NAALADL2: variants seen among roughly 807,000 people sequenced by gnomAD.
NAALADL2 encodes inactive N-acetylated-alpha-linked acidic dipeptidase-like protein 2.
NAALADL2 carries 76 observed loss-of-function variants against 87.2 expected under a neutral mutation model. The observed-to-expected ratio is 0.87, with a 90% CI of 0.72 to 1.05. The LOEUF is 1.05. Among genes scored for constraint, NAALADL2 ranks in the 50% least tolerant of loss-of-function variants. The pLI is 0.00. For synonymous variants in NAALADL2, 354 were observed against 331.0 expected (o/e 1.07, Z -0.75); for missense variants, 1,089 against 945.8 (o/e 1.15, Z -1.99).
At chr3:175,559,285 AT>A (rs1043636550) in intron 9 of NAALADL2, among the ~76,000 whole-genome samples, 7 of 150,776 alleles carry the variant, frequency 4.6e-5, no homozygotes, top group East Asian at 1.9e-4. Flanking sequence ...TTATTGTGTA[AT>A]TTTTTTTGAA....
At chr3:175,776,511 T>G (rs539274189) in intron 13 of NAALADL2, among the ~76,000 whole-genome samples, 2 of 152,282 alleles carry the variant, frequency 1.3e-5, no homozygotes, top group African/African-American at 2.4e-5. Context: ...CCATTCTTAG[T>G]AAAGTGAATA....
intron 3 of NAALADL2, among the ~76,000 whole-genome samples, chr3:174,816,540 A>AAT (rs1720843455): frequency 1.4e-5 from 2 of 148,112 alleles, no homozygotes; most frequent in South Asian, 2.1e-4. Flanking sequence ...TATAATTTTT[A>AAT]ATATATATAA....
chr3:175,508,420 G>C lies in NAALADL2; in HGVS notation c.1653+36662G>C, dbSNP rs77408996. Reference sequence around the variant, plus strand: ...TCCTTAAATATTTCCAAACACCTCAGCTCCTCAGACTTCATGCTCCTCTTC... The same window carrying C: ...TCCTTAAATATTTCCAAACACCTCACCTCCTCAGACTTCATGCTCCTCTTC... On this transcript the variant is annotated intron_variant, in intron 9 of 13. Transcript: ENST00000454872. Among the ~76,000 whole-genome samples, 991 of 152,134 alleles carry C rather than the reference G, an allele frequency of 6.5e-3. 11 individuals are homozygous for C. Among genetic ancestry groups the C allele is most frequent in the African/African-American group, 0.023 (949 of 41,476 alleles).
At chr3:175,364,155 C>T (rs1765313339) in intron 5 of NAALADL2, among the ~76,000 whole-genome samples, 1 of 147,950 alleles carries the variant, frequency 6.8e-6, no homozygotes, top group Non-Finnish European at 1.5e-5. Context: ...TGTGTGTGCA[C>T]ACTCACAAAC....
intron 2 of NAALADL2, among the ~76,000 whole-genome samples, chr3:174,553,725 A>G (rs1370484194): frequency 1.3e-5 from 2 of 152,142 alleles, no homozygotes; most frequent in African/African-American, 4.8e-5. Flanking sequence ...TCTTCCCTTG[A>G]TTTCATCTGG....
chr3:175,074,423 T>C (rs1473509659), intron 1 of NAALADL2, among the ~76,000 whole-genome samples: 1 of 152,104 alleles, frequency 6.6e-6, no homozygotes, highest in Admixed American at 6.6e-5. Context: ...GTTAAGATAA[T>C]CTAGCATCCT....
At chr3:175,589,117 CAGT>C (rs1331321168) in intron 10 of NAALADL2, among the ~76,000 whole-genome samples, 5 of 152,088 alleles carry the variant, frequency 3.3e-5, no homozygotes, top group Non-Finnish European at 7.4e-5. Context: ...TAAATTAAAA[CAGT>C]AGAAAGAAAG....
intron 1 of NAALADL2, among the ~76,000 whole-genome samples, chr3:174,974,201 C>T (rs1044132357): frequency 6.6e-6 from 1 of 152,140 alleles, no homozygotes; most frequent in African/African-American, 2.4e-5. Flanking sequence ...AAATAACTTT[C>T]CCACAGCTGA....
At chr3:175,740,720 A>T (rs1745115299) in intron 12 of NAALADL2, among the ~76,000 whole-genome samples, 1 of 152,214 alleles carries the variant, frequency 6.6e-6, no homozygotes, top group African/African-American at 2.4e-5. Flanking sequence ...GAATATAAAC[A>T]AGCATTGTAC....
At chr3:175,263,700 AC>A in intron 4 of NAALADL2, among the ~76,000 whole-genome samples, 1 of 151,900 alleles carries the variant, frequency 6.6e-6, no homozygotes, top group African/African-American at 2.4e-5. Flanking sequence ...TATAAATTAA[AC>A]AAAGTAAAAT....
At chr3:175,144,515 T>G (rs1337290637) in intron 2 of NAALADL2, among the ~76,000 whole-genome samples, 1 of 151,912 alleles carries the variant, frequency 6.6e-6, no homozygotes, top group Non-Finnish European at 1.5e-5. Flanking sequence ...ATTGAGAAAA[T>G]ATACAGAAAG....
At chr3:175,563,495 G>A (rs1235278224) in intron 9 of NAALADL2, among the ~76,000 whole-genome samples, 1 of 152,096 alleles carries the variant, frequency 6.6e-6, no homozygotes, top group South Asian at 2.1e-4. Context: ...ATTATTTTCA[G>A]GTCTAAGCCT....
intron 2 of NAALADL2, among the ~76,000 whole-genome samples, chr3:174,634,128 G>A (rs1722407485): frequency 6.6e-6 from 1 of 152,142 alleles, no homozygotes; most frequent in African/African-American, 2.4e-5. Flanking sequence ...AAGCAAATAT[G>A]TAAGTTTAGC....
At chr3:175,774,439 C>G (rs1444225949) in intron 13 of NAALADL2, among the ~76,000 whole-genome samples, 1 of 151,850 alleles carries the variant, frequency 6.6e-6, no homozygotes, top group Non-Finnish European at 1.5e-5. Flanking sequence ...TTTTTTAAAT[C>G]CTTATTTTTT....
intron 1 of NAALADL2, among the ~76,000 whole-genome samples, chr3:174,880,965 A>C (rs985173507): frequency 1.3e-5 from 2 of 152,108 alleles, no homozygotes; most frequent in African/African-American, 2.4e-5. Flanking sequence ...GAACTCTAAT[A>C]TCTGCCACTG....
At chr3:175,562,424 C>T (rs1716416687) in intron 9 of NAALADL2, among the ~76,000 whole-genome samples, 1 of 151,776 alleles carries the variant, frequency 6.6e-6, no homozygotes, top group Non-Finnish European at 1.5e-5. Context: ...TATTATATGA[C>T]ATATTTTTAA....
Position 175,799,038 on chromosome 3 carries a change from T to C in NAALADL2, c.2190-3967T>C, listed in dbSNP as rs142614458. Reference sequence around the variant, plus strand: ...GCAATGTTACAACTCATTTAAGGAATAGTTTTTGATAATAATGGATTATAA... The same window carrying C: ...GCAATGTTACAACTCATTTAAGGAACAGTTTTTGATAATAATGGATTATAA... On this transcript the variant is annotated intron_variant, in intron 13 of 13. Transcript: ENST00000454872. 6.0e-3 allele frequency among the ~76,000 whole-genome samples: 917 copies of C among 152,154 alleles called. 13 individuals are homozygous for C. Among genetic ancestry groups the C allele is most frequent in the African/African-American group, 0.021 (875 of 41,572 alleles).
chr3:174,758,605 A>G (rs1485639706), intron 3 of NAALADL2, among the ~76,000 whole-genome samples: 3 of 152,286 alleles, frequency 2.0e-5, no homozygotes, highest in Admixed American at 6.5e-5. Context: ...CCTCCTTCCC[A>G]GTTTTGCCTT....
intron 11 of NAALADL2, among the ~76,000 whole-genome samples, chr3:175,703,447 A>G (rs1739252032): frequency 6.6e-6 from 1 of 152,154 alleles, no homozygotes; most frequent in Non-Finnish European, 1.5e-5. Context: ...TTTCCTTAAA[A>G]CTTAATCTAA....
Sources: allele counts gnomAD v4.1 joint callset (sites outside exome capture counted in the v4.1 genomes callset), GRCh38; gene constraint gnomAD v4.1.1; transcripts MANE v1.5; gene names NCBI Gene and HGNC (gene_info 2026-07-23, HGNC 2026-07-21).